DNAJA3: variants seen among roughly 807,000 people sequenced by gnomAD.
DNAJA3 encodes the protein DnaJ heat shock protein family (Hsp40) member A3.
A neutral mutation model predicts 54.9 loss-of-function variants in DNAJA3; 29 were observed. That is an observed-to-expected ratio of 0.53 (90% CI 0.39 to 0.72). DNAJA3 has a LOEUF of 0.72. Among genes scored for constraint, DNAJA3 ranks in the 30% least tolerant of loss-of-function variants. The probability of loss-of-function intolerance (pLI) is 0.00; values close to 1 mark genes in which losing one functional copy is unlikely to be tolerated. For missense variants in DNAJA3, 708 were observed against 639.4 expected, an observed-to-expected ratio of 1.11 and a Z score of -1.16; for synonymous variants, 302 against 251.4, an observed-to-expected ratio of 1.20 and a Z score of -1.90.
chr16:4,435,166 C>T (rs2056758730), intron 2 of DNAJA3, among the ~76,000 whole-genome samples: 1 of 152,064 alleles, frequency 6.6e-6, no homozygotes, highest in Non-Finnish European at 1.5e-5. Context: ...TCCCAAAGTG[C>T]TGGGATTACA....
chr16:4,425,886 C>G lies in DNAJA3; in HGVS notation c.5C>G (p.Ala2Gly). The G allele has an allele frequency of 3.9e-6, 6 of 1,532,866 alleles. No individual in the cohort carries two copies. The highest frequency in any genetic ancestry group is 2.6e-5 in the East Asian group (1 of 39,214). The allele number at this position is 1,532,866 out of a possible 1,614,324, so 95.0% of individuals were successfully genotyped here. M[A>G]ARCSTRWLLV... Reference sequence around the variant, plus strand: ...GCGCAGAGTCCCCGGGCCAAGATGGCTGCGCGGTGCTCCACACGCTGGTTG... The same window carrying G: ...GCGCAGAGTCCCCGGGCCAAGATGGGTGCGCGGTGCTCCACACGCTGGTTG... Residue 2 changes from alanine to glycine, a missense_variant, in exon 1 of 12, where the codon GCT (alanine) becomes GGT (glycine). Coordinates refer to ENST00000262375, the MANE Select transcript of DNAJA3 (RefSeq NM_005147.6).
intron 1 of DNAJA3, among the ~76,000 whole-genome samples, chr16:4,426,588 A>T (rs2056626356): frequency 6.6e-6 from 1 of 152,234 alleles, no homozygotes; most frequent in Non-Finnish European, 1.5e-5. Flanking sequence ...TCAAACCCAA[A>T]GCAGTCATGT....
At position 4,426,140 on chromosome 16, in the gene DNAJA3, A is replaced by G. The variant is rs374213632; in HGVS notation, c.211+48A>G. 1.7e-4 allele frequency: 255 copies of G among 1,482,596 alleles called. No individual in the cohort carries two copies. The African/African-American group carries it at 2.9e-3, about 17-fold the overall frequency. The allele number at this position is 1,482,596 out of a possible 1,614,324, so 91.8% of individuals were successfully genotyped here. ...GAGTGGCGGTTTCAGGGCCTAGAAA[A>G]GAGTGAGTCTCCTCGCTGTGACTAC... On this transcript the variant is annotated intron_variant, in intron 1 of 11. Coordinates refer to ENST00000262375, the MANE Select transcript of DNAJA3 (RefSeq NM_005147.6).
intron 1 of DNAJA3, chr16:4,427,301 T>C (rs1303079248): frequency 6.6e-6 from 1 of 152,222 alleles, no homozygotes; most frequent in East Asian, 1.9e-4. Context: ...CTCTAGAATT[T>C]GTGCAAATGG....
chr16:4,432,643 G>A (rs1051057910), intron 1 of DNAJA3, among the ~76,000 whole-genome samples: 4 of 151,618 alleles, frequency 2.6e-5, no homozygotes, highest in South Asian at 4.2e-4. Context: ...TACCCGGCCC[G>A]GCTTATTCAC....
intron 7 of DNAJA3, 53 bp from the exon 8 acceptor site, chr16:4,446,833 G>A: frequency 6.2e-7 from 1 of 1,602,994 alleles, no homozygotes; most frequent in Non-Finnish European, 8.5e-7. Flanking sequence ...TGCAGCTGGT[G>A]TTTAGTCTGC....
intron 7 of DNAJA3, among the ~76,000 whole-genome samples, chr16:4,445,533 G>GT: frequency 6.6e-6 from 1 of 152,158 alleles, no homozygotes; most frequent in Non-Finnish European, 1.5e-5. Context: ...ACTCACCGGT[G>GT]TTTATGATGT....
In DNAJA3 at chr16:4,450,002, A is replaced by C. The variant is rs138620416; in HGVS notation, c.1242-398A>C. On this transcript the variant is annotated intron_variant, in intron 9 of 11. Transcript: ENST00000262375. ...ACGGGGTTTCACCTTGTTGGCCAGG[A>C]TGGTCTCTATCTCCTGACCTTGTGA... 906 of 158,502 alleles carry C rather than the reference A, an allele frequency of 5.7e-3. 9 individuals are homozygous for C. The highest frequency in any genetic ancestry group is 0.018 in the African/African-American group (745 of 41,620). The allele number at this position is 158,502 out of a possible 1,614,324, so 9.8% of individuals were successfully genotyped here.
chr16:4,434,551 T>G, intron 2 of DNAJA3, 34 bp downstream of exon 2: 1 of 1,602,752 alleles, frequency 6.2e-7, no homozygotes, highest in Middle Eastern at 1.7e-4. Context: ...GTGACCAAAT[T>G]GTAGTAGGAA....
chr16:4,439,355 CAA>C (rs537238066), intron 3 of DNAJA3, among the ~76,000 whole-genome samples: 154 of 100,354 alleles, frequency 1.5e-3, no homozygotes, highest in Non-Finnish European at 2.3e-3. Context: ...GACTCCCAAT[CAA>C]AAAAAAAAAA....
intron 1 of DNAJA3, chr16:4,433,937 G>A (rs1257550936): frequency 9.5e-6 from 2 of 209,516 alleles, no homozygotes; most frequent in Non-Finnish European, 1.9e-5. Context: ...GTATTAGTCT[G>A]TTCTCATGCA....
At chr16:4,452,194 G>T (rs2056986909) in intron 10 of DNAJA3, among the ~76,000 whole-genome samples, 2 of 152,134 alleles carry the variant, frequency 1.3e-5, no homozygotes, top group African/African-American at 4.8e-5. Flanking sequence ...TGTTCTTGTT[G>T]TATCTCTTGA....
chr16:4,432,207 T>C (rs1192353331), intron 1 of DNAJA3, among the ~76,000 whole-genome samples: 1 of 150,730 alleles, frequency 6.6e-6, no homozygotes, highest in Non-Finnish European at 1.5e-5. Context: ...TTATTTTTAA[T>C]AGAGACAGGG....
chr16:4,442,519 G>T, intron 5 of DNAJA3, 99 bp downstream of exon 5: 2 of 1,368,744 alleles, frequency 1.5e-6, no homozygotes, highest in South Asian at 1.7e-5. Flanking sequence ...CTGGGAATTG[G>T]GGGAGTTGGT....
intron 3 of DNAJA3, among the ~76,000 whole-genome samples, chr16:4,439,286 G>T (rs767458573): frequency 6.6e-6 from 1 of 151,810 alleles, no homozygotes; most frequent in East Asian, 1.9e-4. Context: ...GCTTGAACCC[G>T]GGAGGCATCA....
At chr16:4,426,790 G>C (rs996769067) in intron 1 of DNAJA3, 3 of 152,168 alleles carry the variant, frequency 2.0e-5, no homozygotes, top group Non-Finnish European at 4.4e-5. Context: ...ATTTTATAAA[G>C]ATACTGAGGC....
intron 9 of DNAJA3, 74 bp downstream of exon 9, chr16:4,448,922 G>A (rs1191206804): frequency 8.8e-7 from 1 of 1,139,212 alleles, no homozygotes; most frequent in African/African-American, 1.5e-5. Flanking sequence ...CTGTGGCTTG[G>A]GCAGGTTACT....
chr16:4,444,683 C>T lies in DNAJA3; in HGVS notation c.951C>T (p.Thr317=), dbSNP rs769181008. The change falls in exon 7 of 12, where the codon ACC becomes ACT. Residue 317 remains threonine, a synonymous_variant. Transcript: ENST00000262375. ...TTGTAGGAGTCGAGGATGGCCAGACCGTGAGGATGCCTGTGGGAAAAAGGG... is the reference window on the plus strand; with the variant it reads ...TTGTAGGAGTCGAGGATGGCCAGACTGTGAGGATGCCTGTGGGAAAAAGGG... ...PVPAGVEDGQ[T]VRMPVGKREI... The T allele has an allele frequency of 9.9e-6, 16 of 1,613,996 alleles. No homozygotes were observed. Among genetic ancestry groups the T allele is most frequent in the South Asian group, 3.3e-5 (3 of 91,088 alleles).
At chr16:4,428,197 C>A (rs945271763) in intron 1 of DNAJA3, among the ~76,000 whole-genome samples, 2 of 151,828 alleles carry the variant, frequency 1.3e-5, no homozygotes, top group Non-Finnish European at 1.5e-5. Context: ...GTGATCCACC[C>A]GCCTCAGCCT....
Sources: allele counts gnomAD v4.1 joint callset (sites outside exome capture counted in the v4.1 genomes callset), GRCh38; gene constraint gnomAD v4.1.1; transcripts MANE v1.5; gene names NCBI Gene and HGNC (gene_info 2026-07-23, HGNC 2026-07-21).